Variants in RABL3 observed in about 807,000 individuals in gnomAD.
RABL3 encodes RAB, member of RAS oncogene family like 3.
RABL3 carries 31 observed loss-of-function variants against 31.8 expected under a neutral mutation model. The observed-to-expected ratio is 0.97, with a 90% CI of 0.73 to 1.31. RABL3 has a LOEUF of 1.31. RABL3 is among the 40% of genes most tolerant of loss of function. The probability of loss-of-function intolerance (pLI) is 0.00; values close to 1 mark genes in which losing one functional copy is unlikely to be tolerated. For missense variants in RABL3, 263 were observed against 279.6 expected (o/e 0.94, Z 0.42); for synonymous variants, 97 against 99.9 (o/e 0.97, Z 0.18).
intron 2 of RABL3, among the ~76,000 whole-genome samples, chr3:120,729,123 T>C (rs908812177): frequency 6.6e-6 from 1 of 152,046 alleles, no homozygotes; most frequent in African/African-American, 2.4e-5. Context: ...AAGAAAAACA[T>C]TGTCCATAGG....
intron 4 of RABL3, among the ~76,000 whole-genome samples, chr3:120,702,560 CTT>C (rs977105954): frequency 1.3e-4 from 19 of 140,850 alleles, no homozygotes; most frequent in Admixed American, 1.4e-4. Context: ...GGAAATTTTT[CTT>C]TTTTTTTTTT....
intron 5 of RABL3, among the ~76,000 whole-genome samples, chr3:120,695,800 T>C (rs890944918): frequency 2.6e-5 from 4 of 152,152 alleles, no homozygotes; most frequent in African/African-American, 9.7e-5. Flanking sequence ...TTTGAGACAA[T>C]TCTAAATAGA....
At chr3:120,719,264 C>G (rs998616670) in intron 2 of RABL3, among the ~76,000 whole-genome samples, 30 of 152,200 alleles carry the variant, frequency 2.0e-4, no homozygotes, top group Non-Finnish European at 3.5e-4. Context: ...CTACAGCTCC[C>G]AGCGTGAGCG....
intron 2 of RABL3, among the ~76,000 whole-genome samples, chr3:120,717,008 G>A (rs1485424228): frequency 1.3e-5 from 2 of 152,034 alleles, no homozygotes; most frequent in South Asian, 2.1e-4. Flanking sequence ...ATCCCAGCAC[G>A]TTGGGAGGCC....
At chr3:120,718,936 C>T (rs1708702785) in intron 2 of RABL3, among the ~76,000 whole-genome samples, 1 of 152,044 alleles carries the variant, frequency 6.6e-6, no homozygotes, top group Non-Finnish European at 1.5e-5. Context: ...TAAATTAGTA[C>T]TCACCTAGTA....
At chr3:120,728,465 A>C (rs990959981) in intron 2 of RABL3, among the ~76,000 whole-genome samples, 4 of 152,156 alleles carry the variant, frequency 2.6e-5, no homozygotes, top group African/African-American at 9.7e-5. Flanking sequence ...ACAGAATCGG[A>C]GCTAGAAAAA....
intron 5 of RABL3, among the ~76,000 whole-genome samples, chr3:120,695,478 C>T (rs1032035281): frequency 3.9e-5 from 6 of 151,994 alleles, no homozygotes; most frequent in Non-Finnish European, 5.9e-5. Context: ...TTTTATTTCA[C>T]GGGATTTTTG....
chr3:120,736,235 G>T (rs1708961650), intron 1 of RABL3, among the ~76,000 whole-genome samples: 2 of 152,142 alleles, frequency 1.3e-5, no homozygotes, highest in South Asian at 4.1e-4. Flanking sequence ...CTCCTGTATT[G>T]GGTGCATATA....
intron 2 of RABL3, among the ~76,000 whole-genome samples, chr3:120,715,618 A>T (rs1576339232): frequency 2.0e-5 from 3 of 152,328 alleles, no homozygotes; most frequent in African/African-American, 7.2e-5. Context: ...GTGACTACTT[A>T]GCAATTGAAA....
chr3:120,695,432 T>C (rs1437895451), intron 5 of RABL3, among the ~76,000 whole-genome samples: 3 of 152,082 alleles, frequency 2.0e-5, no homozygotes, highest in Non-Finnish European at 2.9e-5. Flanking sequence ...ACCTTTAAAT[T>C]TGGGCTTACT....
At chr3:120,719,961 C>T (rs527252659) in intron 2 of RABL3, among the ~76,000 whole-genome samples, 68 of 152,306 alleles carry the variant, frequency 4.5e-4, no homozygotes, top group Middle Eastern at 3.4e-3. Flanking sequence ...ACACCTCACA[C>T]GGCCAGGTAC....
rs759731558 is a variant in RABL3, at chr3:120,684,946, C to A, written c.*4877G>T. ...ACACAGCTACAGATAAGTTCTGATT[C>A]TATGTCTAATGGCTTTCCATTTTAA... On this transcript the variant is annotated 3_prime_UTR_variant, in exon 8 of 8. Coordinates refer to ENST00000273375, the MANE Select transcript of RABL3 (RefSeq NM_173825.5). 1.4e-4 allele frequency among the ~76,000 whole-genome samples: 22 copies of A among 152,206 alleles called. No homozygotes were observed. Among genetic ancestry groups the A allele is most frequent in the Non-Finnish European group, 2.8e-4 (19 of 68,038 alleles).
At chr3:120,734,024 C>T (rs544914266) in intron 1 of RABL3, among the ~76,000 whole-genome samples, 87 of 152,168 alleles carry the variant, frequency 5.7e-4, no homozygotes, top group African/African-American at 1.9e-3. Flanking sequence ...GGATTGTCTT[C>T]GAAATGTGGG....
Position 120,689,518 on chromosome 3 carries a change from AATTTTCTC to A in RABL3, c.*297_*304del. The A allele has an allele frequency of 4.4e-6, 1 of 225,622 alleles. No individual in the cohort carries two copies. The highest frequency in any genetic ancestry group is 8.6e-6 in the Non-Finnish European group (1 of 116,014). 14.0% of individuals were successfully genotyped at this position (225,622 alleles called of 1,614,324 possible). ...AACCCTCCAGTTCTAGGCAAGAGTA[AATTTTCTC>A]TGCAGTACACTGTCATTGCTCATTT... On this transcript the variant is annotated 3_prime_UTR_variant, in exon 8 of 8. Coordinates refer to ENST00000273375, the MANE Select transcript of RABL3 (RefSeq NM_173825.5).
intron 1 of RABL3, among the ~76,000 whole-genome samples, chr3:120,739,009 A>G (rs1168510723): frequency 1.3e-5 from 2 of 152,134 alleles, no homozygotes; most frequent in African/African-American, 2.4e-5. Flanking sequence ...CATACACTTG[A>G]GCCTGCAGGT....
intron 4 of RABL3, among the ~76,000 whole-genome samples, chr3:120,698,874 T>C (rs933345733): frequency 1.3e-5 from 2 of 152,192 alleles, no homozygotes; most frequent in Non-Finnish European, 2.9e-5. Context: ...TTACAGTCAG[T>C]GGACTTAACT....
rs79284045 is a variant in RABL3 at position 120,719,209 on chromosome 3, G to A, written c.139-9300C>T. On this transcript the variant is annotated intron_variant, in intron 2 of 7. Coordinates refer to ENST00000273375, the MANE Select transcript of RABL3 (RefSeq NM_173825.5). ...ATCAAAATTGACCATAAAACTGGAC[G>A]TGGGGAGGGTGGAGCCAGGATGGCC... Among the ~76,000 whole-genome samples the A allele has an allele frequency of 7.5e-3, 1,147 of 152,256 alleles. 12 individuals are homozygous for A. Among genetic ancestry groups the A allele is most frequent in the African/African-American group, 0.026 (1,084 of 41,540 alleles).
At chr3:120,700,249 A>G (rs1708479344) in intron 4 of RABL3, among the ~76,000 whole-genome samples, 1 of 152,170 alleles carries the variant, frequency 6.6e-6, no homozygotes, top group African/African-American at 2.4e-5. Context: ...GCCAGGTATC[A>G]TATTATATGC....
intron 1 of RABL3, among the ~76,000 whole-genome samples, chr3:120,737,412 T>A (rs1325177133): frequency 6.6e-6 from 1 of 152,258 alleles, no homozygotes; most frequent in Non-Finnish European, 1.5e-5. Context: ...GTTATTCTAG[T>A]TAGCCATTCA....
Sources: gnomAD v4.1 joint callset for allele counts (sites outside exome capture counted in the v4.1 genomes callset) on GRCh38, gnomAD v4.1.1 for gene constraint, MANE v1.5 for transcripts, NCBI Gene and HGNC (gene_info 2026-07-23, HGNC 2026-07-21) for gene names.